NRXN1: variants seen among roughly 807,000 people sequenced by gnomAD.
NRXN1 encodes the protein neurexin 1.
A neutral mutation model predicts 150.9 loss-of-function variants in NRXN1; 39 were observed. The observed-to-expected ratio is 0.26, with a 90% CI of 0.20 to 0.34. The LOEUF is 0.34. Among genes scored for constraint, NRXN1 ranks in the 10% least tolerant of loss-of-function variants. The pLI is 1.00. For missense variants in NRXN1, 1,815 were observed against 1,949.9 expected (o/e 0.93, Z 1.30); for synonymous variants, 924 against 757.0 (o/e 1.22, Z -3.62).
At chr2:49,936,090 C>G (rs1337669858) in intron 22 of NRXN1, among the ~76,000 whole-genome samples, 1 of 152,188 alleles carries the variant, frequency 6.6e-6, no homozygotes, top group Non-Finnish European at 1.5e-5. Context: ...TTATGCTGTA[C>G]TCACTACTGA....
At chr2:50,601,889 A>G (rs993150806) in intron 8 of NRXN1, among the ~76,000 whole-genome samples, 38 of 152,174 alleles carry the variant, frequency 2.5e-4, no homozygotes, top group African/African-American at 9.2e-4. Context: ...AACCGGTGTT[A>G]TCACACAGAA....
chr2:50,625,785 G>C (rs935298675), intron 5 of NRXN1, among the ~76,000 whole-genome samples: 10 of 152,074 alleles, frequency 6.6e-5, no homozygotes, highest in Non-Finnish European at 1.3e-4. Context: ...CTTTCAGAAT[G>C]AATGTGAAGA....
rs760587299 is a variant in NRXN1, at chr2:50,620,152, G to A, written c.1190C>T (p.Thr397Ile). ...ATAATCTTCTTGCGTGTAGCCCGTT[G>A]TGGTAAGAATCCCATCCACTGATAT... is the stretch of plus-strand genomic sequence containing the variant. The part of the protein sequence containing the change: ...VTISVDGILT[T>I]TGYTQEDYTM... The change falls in exon 8 of 23, where the codon ACA becomes ATA. Residue 397 changes from threonine to isoleucine, a missense_variant. By Grantham distance (89) the Thr-to-Ile change is moderately conservative (BLOSUM62 -1). Transcript: ENST00000401669. 1.2e-6 allele frequency: 2 copies of A among 1,613,482 alleles called. No individual in the cohort carries two copies. The highest frequency in any genetic ancestry group is 8.5e-7 in the Non-Finnish European group (1 of 1,179,630).
chr2:51,013,911 T>C (rs935289364), intron 2 of NRXN1, among the ~76,000 whole-genome samples: 1 of 152,114 alleles, frequency 6.6e-6, no homozygotes, highest in African/African-American at 2.4e-5. Flanking sequence ...CATATTTTTC[T>C]GTCCTACTTT....
intron 15 of NRXN1, among the ~76,000 whole-genome samples, chr2:50,485,230 G>A (rs951766964): frequency 6.6e-6 from 1 of 152,206 alleles, no homozygotes; most frequent in South Asian, 2.1e-4. Context: ...GACAATGTGA[G>A]AATGAGACAG....
rs1558570045 is a variant in NRXN1, at chr2:50,346,738, A to G, written c.3365-109768T>C. On this transcript the variant is annotated intron_variant, in intron 17 of 22. Transcript: ENST00000401669. This position sits in a 1 kb window ranked among gnomAD's most constrained non-coding sequence, Gnocchi z 5.0. ...CGGTGACCTGTAGATTGCAATAGGCACTGAATGATGCTTGCTGCTGCCATG... is the reference window on the plus strand; with the variant it reads ...CGGTGACCTGTAGATTGCAATAGGCGCTGAATGATGCTTGCTGCTGCCATG... 6.2e-7 allele frequency: 1 copy of G among 1,613,884 alleles called. No homozygotes were observed. The highest frequency in any genetic ancestry group is 2.2e-5 in the East Asian group (1 of 44,826).
intron 2 of NRXN1, among the ~76,000 whole-genome samples, chr2:50,940,705 A>C (rs1689301401): frequency 6.6e-6 from 1 of 152,130 alleles, no homozygotes; most frequent in Admixed American, 6.6e-5. Context: ...TGTTTTTCAC[A>C]TTAATTTTAG....
chr2:50,203,534 C>G lies in NRXN1; in HGVS notation c.3546+33255G>C, dbSNP rs1574476153. Among the ~76,000 whole-genome samples, 2 of 152,256 alleles carry G rather than the reference C, an allele frequency of 1.3e-5. 1 individual carries two copies. The highest frequency in any genetic ancestry group is 6.8e-3 in the Middle Eastern group (2 of 294). On this transcript the variant is annotated intron_variant, in intron 18 of 22. Coordinates refer to ENST00000401669, the MANE Select transcript of NRXN1 (RefSeq NM_001330078.2). ...ACAACAGGTTAATGCTTGCCTTGCT[C>G]TCTTTGGATGCTGTCTACTCCACAC...
chr2:50,125,324 C>A lies in NRXN1; in HGVS notation c.3547-33830G>T, dbSNP rs537033332. On this transcript the variant is annotated intron_variant, in intron 18 of 22. Coordinates refer to ENST00000401669, the MANE Select transcript of NRXN1 (RefSeq NM_001330078.2). ...TGAATACAATCTATATAATCTTTGT[C>A]GTTGTTGCTGTTGTTGTTGTTTTAA... Among the ~76,000 whole-genome samples the A allele has an allele frequency of 2.0e-5, 3 of 152,164 alleles. No individual in the cohort carries two copies. The South Asian group carries it at 6.2e-4, about 32-fold the overall frequency.
At chr2:50,041,906 T>C (rs1204088855) in intron 21 of NRXN1, among the ~76,000 whole-genome samples, 2 of 152,154 alleles carry the variant, frequency 1.3e-5, no homozygotes, top group Non-Finnish European at 2.9e-5. Flanking sequence ...ATCTGTAACC[T>C]GGTAGGCAAA....
chr2:50,422,545 C>T (rs1295401298), intron 17 of NRXN1, among the ~76,000 whole-genome samples: 2 of 152,110 alleles, frequency 1.3e-5, no homozygotes, highest in East Asian at 1.9e-4. Flanking sequence ...ACTGAAGTTG[C>T]CATTTAGTCT....
At chr2:50,161,540 C>T (rs546046095) in intron 18 of NRXN1, among the ~76,000 whole-genome samples, 2 of 152,248 alleles carry the variant, frequency 1.3e-5, no homozygotes, top group East Asian at 3.9e-4. Context: ...ACAGCTAAAG[C>T]AGACTGGGAG....
intron 8 of NRXN1, among the ~76,000 whole-genome samples, chr2:50,555,059 T>C (rs970034841): frequency 7.9e-5 from 12 of 152,208 alleles, no homozygotes; most frequent in Non-Finnish European, 2.9e-5. Flanking sequence ...TTTTCAAGGA[T>C]GATTTTCCAA....
intron 8 of NRXN1, among the ~76,000 whole-genome samples, chr2:50,582,314 G>A (rs529753847): frequency 6.6e-6 from 1 of 151,800 alleles, no homozygotes; most frequent in Non-Finnish European, 1.5e-5. Flanking sequence ...CTAGAGCTCA[G>A]GAGTTCAAAA....
At chr2:50,273,782 T>C (rs925005031) in intron 17 of NRXN1, among the ~76,000 whole-genome samples, 1 of 152,120 alleles carries the variant, frequency 6.6e-6, no homozygotes, top group South Asian at 2.1e-4. Flanking sequence ...AAAAAGCTCA[T>C]CATCACTGCT....
intron 1 of NRXN1, among the ~76,000 whole-genome samples, chr2:51,031,768 T>A (rs1445335413): frequency 6.6e-6 from 1 of 152,120 alleles, no homozygotes; most frequent in Non-Finnish European, 1.5e-5. Context: ...ATTCAGCCTT[T>A]AAGTTACTAC....
At chr2:50,386,902 AT>A (rs1188286556) in intron 17 of NRXN1, among the ~76,000 whole-genome samples, 1 of 152,212 alleles carries the variant, frequency 6.6e-6, no homozygotes, top group Non-Finnish European at 1.5e-5. Flanking sequence ...TATAAACACA[AT>A]TATACCTATG....
rs1670933863 is a variant in NRXN1, at chr2:51,028,248, C to T, written c.26G>A (p.Gly9Glu). Residue 9 changes from glycine to glutamate, a missense_variant, in exon 2 of 23, where the codon GGG becomes GAG. By Grantham distance (98) the Gly-to-Glu change is moderately conservative. Coordinates refer to ENST00000401669, the MANE Select transcript of NRXN1 (RefSeq NM_001330078.2). Reference protein sequence around the residue: MGTALLQRGGCFLLCLSLL... With the variant: MGTALLQREGCFLLCLSLL... Reference sequence around the variant, plus strand: ...CGAGAGGCACAGAAGAAAACAGCCCCCGCGCTGGAGCAGCGCCGTCCCCAT... The same window carrying T: ...CGAGAGGCACAGAAGAAAACAGCCCTCGCGCTGGAGCAGCGCCGTCCCCAT... The T allele has an allele frequency of 1.4e-6, 2 of 1,463,354 alleles. No individual in the cohort carries two copies. The highest frequency in any genetic ancestry group is 2.6e-5 in the Admixed American group (1 of 39,048). 90.6% of individuals were successfully genotyped at this position (1,463,354 alleles called of 1,614,324 possible).
Position 49,919,804 on chromosome 2 carries a change from G to C in NRXN1, c.*2140C>G, listed in dbSNP as rs1667890803. ...ATTTCTTTGTACACAACAATTACTT[G>C]GCAACCATAGATAGTGGTGATTTGC... On this transcript the variant is annotated 3_prime_UTR_variant, in exon 23 of 23. Coordinates refer to ENST00000401669, the MANE Select transcript of NRXN1 (RefSeq NM_001330078.2). 6.6e-6 allele frequency: 1 copy of C among 152,028 alleles called. No individual in the cohort carries two copies. Among genetic ancestry groups the C allele is most frequent in the Non-Finnish European group, 1.5e-5 (1 of 67,950 alleles). 9.4% of individuals were successfully genotyped at this position (152,028 alleles called of 1,614,324 possible). A position where few individuals can be genotyped will look rare whatever the true frequency, so the allele number is the denominator to read the frequency against.
Sources: allele counts gnomAD v4.1 joint callset (sites outside exome capture counted in the v4.1 genomes callset), GRCh38; gene constraint gnomAD v4.1.1; non-coding constraint Gnocchi (gnomAD v3.1); transcripts MANE v1.5; gene names NCBI Gene and HGNC (gene_info 2026-07-23, HGNC 2026-07-21).